GRIN3A: variants seen among roughly 807,000 people sequenced by gnomAD.
The protein encoded by GRIN3A is glutamate receptor ionotropic, NMDA 3A.
Under a neutral mutation model 92.4 loss-of-function variants are expected in GRIN3A, and 47 were observed. The ratio of observed to expected loss-of-function variants is 0.51; its 90% CI spans 0.40 to 0.65. The LOEUF (loss-of-function observed/expected upper bound fraction) is 0.65. Among genes scored for constraint, GRIN3A ranks in the 30% least tolerant of loss-of-function variants. GRIN3A has a pLI of 0.00. For synonymous variants in GRIN3A, 527 were observed against 540.6 expected, an observed-to-expected ratio of 0.97 and a Z score of 0.35; for missense variants, 1,324 against 1,393.1, an observed-to-expected ratio of 0.95 and a Z score of 0.79.
chr9:101,685,726 A>T (rs1018599505), intron 2 of GRIN3A, among the ~76,000 whole-genome samples: 1 of 150,494 alleles, frequency 6.6e-6, no homozygotes, highest in Non-Finnish European at 1.5e-5. Context: ...TTATGAATGT[A>T]TAAACAAATA....
In GRIN3A at chr9:101,601,563, A is replaced by G. The variant is rs948006944; in HGVS notation, c.2766+11813T>C. On this transcript the variant is annotated intron_variant, in intron 6 of 8. Coordinates refer to ENST00000361820, the MANE Select transcript of GRIN3A (RefSeq NM_133445.3). ...AAACGGGGTGGCTTAAACAACAGAC[A>G]TTTATTGTCCCCTAGTTCGGGAGGC... Among the ~76,000 whole-genome samples the G allele has an allele frequency of 2.0e-5, 3 of 152,330 alleles. No homozygotes were observed. In the East Asian group the frequency reaches 5.8e-4, roughly 29 times the overall value.
intron 2 of GRIN3A, among the ~76,000 whole-genome samples, chr9:101,673,123 T>C (rs1409263446): frequency 6.6e-6 from 1 of 152,146 alleles, no homozygotes; most frequent in Non-Finnish European, 1.5e-5. Flanking sequence ...AACCCTTCAT[T>C]ATTTTAAGAA....
chr9:101,668,676 T>C (rs1829273579), intron 3 of GRIN3A, among the ~76,000 whole-genome samples: 1 of 152,188 alleles, frequency 6.6e-6, no homozygotes, highest in South Asian at 2.1e-4. Flanking sequence ...TTACAAAATT[T>C]CTTGCCTAGT....
intron 2 of GRIN3A, among the ~76,000 whole-genome samples, chr9:101,673,935 G>A (rs887311326): frequency 1.3e-5 from 2 of 152,096 alleles, no homozygotes; most frequent in Non-Finnish European, 2.9e-5. Context: ...CACTGGAACA[G>A]AGAGCAAGAG....
chr9:101,682,851 G>A (rs576446425), intron 2 of GRIN3A, among the ~76,000 whole-genome samples: 62 of 152,172 alleles, frequency 4.1e-4, no homozygotes, highest in Admixed American at 1.0e-3. Context: ...GCGTGGTGGC[G>A]GGCGCCTGTA....
intron 3 of GRIN3A, among the ~76,000 whole-genome samples, chr9:101,652,085 G>T (rs1829022258): frequency 6.6e-6 from 1 of 151,998 alleles, no homozygotes. Flanking sequence ...TGTGCTAAAA[G>T]GTTTTACATA....
intron 3 of GRIN3A, among the ~76,000 whole-genome samples, chr9:101,663,696 T>A (rs184494952): frequency 6.9e-4 from 103 of 149,944 alleles, no homozygotes; most frequent in Non-Finnish European, 9.1e-4. Flanking sequence ...TCCTTTTTTT[T>A]AAATATTTTT....
intron 2 of GRIN3A, among the ~76,000 whole-genome samples, chr9:101,681,806 T>C (rs2417296): frequency 3.0e-4 from 1 of 3,318 alleles, no homozygotes; most frequent in African/African-American, 9.7e-4. Flanking sequence ...CACCCACTAA[T>C]GTGTCATCTA....
chr9:101,579,546 C>T lies in GRIN3A; in HGVS notation c.2767-186G>A, dbSNP rs878855603. On this transcript the variant is annotated intron_variant, in intron 6 of 8. Transcript: ENST00000361820. ...TGAAAGAAATTCAGCCAGGGTTGGA[C>T]TGAGGGCTGCCGAGGAGCACCCAAT... 3.9e-5 allele frequency among the ~76,000 whole-genome samples: 6 copies of T among 152,110 alleles called. No individual in the cohort carries two copies. The South Asian group carries it at 6.2e-4, about 16-fold the overall frequency.
chr9:101,737,048 A>C (rs902922764), intron 1 of GRIN3A, among the ~76,000 whole-genome samples: 1 of 151,788 alleles, frequency 6.6e-6, no homozygotes, highest in African/African-American at 2.4e-5. Context: ...CTTTCCTTCC[A>C]GCCGCGACCT....
chr9:101,654,586 T>C (rs1394693080), intron 3 of GRIN3A, among the ~76,000 whole-genome samples: 2 of 151,772 alleles, frequency 1.3e-5, no homozygotes, highest in Non-Finnish European at 2.9e-5. Context: ...GGGAGACTGA[T>C]TCCCTGTGTA....
At chr9:101,727,030 G>A (rs1830089016) in intron 1 of GRIN3A, among the ~76,000 whole-genome samples, 2 of 151,988 alleles carry the variant, frequency 1.3e-5, no homozygotes, top group African/African-American at 4.8e-5. Context: ...AAACAATGAC[G>A]GTGTCACAAA....
chr9:101,617,654 T>C (rs1329735290), intron 5 of GRIN3A, among the ~76,000 whole-genome samples: 1 of 152,072 alleles, frequency 6.6e-6, no homozygotes, highest in Non-Finnish European at 1.5e-5. Flanking sequence ...TGTGTTTTTC[T>C]TTTATTATTA....
intron 1 of GRIN3A, among the ~76,000 whole-genome samples, chr9:101,692,017 G>A (rs915446133): frequency 6.6e-5 from 10 of 152,136 alleles, no homozygotes; most frequent in African/African-American, 2.4e-4. Context: ...CAGAGTGAGG[G>A]CCCATAAGTA....
chr9:101,629,975 G>A (rs989465637), intron 3 of GRIN3A, among the ~76,000 whole-genome samples: 8 of 152,170 alleles, frequency 5.3e-5, no homozygotes, highest in Non-Finnish European at 1.0e-4. Context: ...TTTATTAGGA[G>A]GAACTCACCA....
At chr9:101,607,503 C>T (rs532398666) in intron 6 of GRIN3A, among the ~76,000 whole-genome samples, 41 of 152,232 alleles carry the variant, frequency 2.7e-4, no homozygotes, top group African/African-American at 8.4e-4. Context: ...GGGAACCATC[C>T]GGAGTATATA....
At chr9:101,684,124 T>TCTTTCTTTCTTTCTTTC in intron 2 of GRIN3A, among the ~76,000 whole-genome samples, 1 of 151,362 alleles carries the variant, frequency 6.6e-6, no homozygotes, top group African/African-American at 2.4e-5. Context: ...CTTTCTTTTT[T>TCTTTCTTTCTTTCTTTC]TTTTTGTGAC....
At chr9:101,664,289 T>C (rs1358991975) in intron 3 of GRIN3A, among the ~76,000 whole-genome samples, 1 of 151,942 alleles carries the variant, frequency 6.6e-6, no homozygotes, top group Non-Finnish European at 1.5e-5. Flanking sequence ...CTGCATTGCC[T>C]ATAATGAATA....
intron 3 of GRIN3A, 140 bp from the exon 4 acceptor site, chr9:101,628,541 T>C: frequency 1.3e-6 from 1 of 756,062 alleles, no homozygotes; most frequent in East Asian, 2.7e-5. Flanking sequence ...TACATAGAAA[T>C]GTGCAGACAT....
Sources: allele counts gnomAD v4.1 joint callset (sites outside exome capture counted in the v4.1 genomes callset), GRCh38; gene constraint gnomAD v4.1.1; transcripts MANE v1.5; gene names NCBI Gene and HGNC (gene_info 2026-07-23, HGNC 2026-07-21).